HCN1: variants seen among roughly 807,000 people sequenced by gnomAD.
HCN1 encodes the protein potassium/sodium hyperpolarization-activated cyclic nucleotide-gated channel 1.
In HCN1, 13 loss-of-function variants were observed where a neutral mutation model predicts 78.9. The observed-to-expected ratio is 0.16, with a 90% CI of 0.11 to 0.26. The LOEUF is 0.26. HCN1 is among the 10% of genes least tolerant of loss of function. The probability of loss-of-function intolerance (pLI) is 1.00; values close to 1 mark genes in which losing one functional copy is unlikely to be tolerated. For missense variants in HCN1, 810 were observed against 1,154.3 expected (o/e 0.70, Z 4.32); for synonymous variants, 552 against 455.5 (o/e 1.21, Z -2.70).
chr5:45,342,599 A>G (rs1746610170), intron 5 of HCN1, among the ~76,000 whole-genome samples: 1 of 152,166 alleles, frequency 6.6e-6, no homozygotes. Context: ...AAGCAAAAAT[A>G]GTTATACATT....
At chr5:45,265,897 G>C (rs1361346330) in intron 7 of HCN1, among the ~76,000 whole-genome samples, 2 of 152,158 alleles carry the variant, frequency 1.3e-5, no homozygotes, top group Non-Finnish European at 1.5e-5. Flanking sequence ...GAGCTTCAGA[G>C]GCTATAGGAG....
intron 1 of HCN1, among the ~76,000 whole-genome samples, chr5:45,665,782 T>C (rs1192278444): frequency 2.0e-5 from 3 of 152,106 alleles, no homozygotes; most frequent in Non-Finnish European, 1.5e-5. Context: ...CTATAGAATA[T>C]GTTTATGAGA....
intron 2 of HCN1, among the ~76,000 whole-genome samples, chr5:45,499,233 G>T (rs933797396): frequency 6.6e-6 from 1 of 152,188 alleles, no homozygotes; most frequent in African/African-American, 2.4e-5. Flanking sequence ...TAATCAGCAG[G>T]ACTCCATGCG....
At chr5:45,489,008 A>C (rs1741827851) in intron 2 of HCN1, among the ~76,000 whole-genome samples, 1 of 152,192 alleles carries the variant, frequency 6.6e-6, no homozygotes, top group Non-Finnish European at 1.5e-5. Flanking sequence ...TTGTCCCGAA[A>C]TATGAAAGTC....
chr5:45,524,246 C>A (rs186008214), intron 2 of HCN1, among the ~76,000 whole-genome samples: 1 of 152,130 alleles, frequency 6.6e-6, no homozygotes, highest in Admixed American at 6.6e-5. Flanking sequence ...CAGTACTATG[C>A]TGTTTTGGTT....
intron 1 of HCN1, among the ~76,000 whole-genome samples, chr5:45,650,512 C>A (rs999891168): frequency 6.6e-6 from 1 of 152,000 alleles, no homozygotes; most frequent in African/African-American, 2.4e-5. Flanking sequence ...AGAGAGGACA[C>A]TCACTGGAAA....
At chr5:45,517,538 A>C (rs562418314) in intron 2 of HCN1, among the ~76,000 whole-genome samples, 8 of 150,952 alleles carry the variant, frequency 5.3e-5, no homozygotes, top group Admixed American at 6.6e-5. Context: ...AAAAAAAAAA[A>C]AAAAAACATG....
intron 2 of HCN1, among the ~76,000 whole-genome samples, chr5:45,594,082 G>A (rs74525033): frequency 0.016 from 2,434 of 152,230 alleles, 65 homozygotes; most frequent in African/African-American, 0.056. Context: ...ACCCTTAAAA[G>A]CCTTTCAGTG....
At chr5:45,657,672 C>A (rs997989808) in intron 1 of HCN1, among the ~76,000 whole-genome samples, 3 of 152,194 alleles carry the variant, frequency 2.0e-5, no homozygotes, top group Admixed American at 6.5e-5. Context: ...ACCTAGGAAT[C>A]CAACTTACAA....
intron 3 of HCN1, among the ~76,000 whole-genome samples, chr5:45,432,108 C>A (rs1253054744): frequency 1.3e-5 from 2 of 152,090 alleles, no homozygotes; most frequent in Non-Finnish European, 2.9e-5. Flanking sequence ...TCTCTGATTT[C>A]TTTGAGCAGT....
chr5:45,563,769 T>C (rs960651218), intron 2 of HCN1, among the ~76,000 whole-genome samples: 8 of 152,190 alleles, frequency 5.3e-5, no homozygotes, highest in African/African-American at 1.4e-4. Flanking sequence ...ACAACACTTT[T>C]TATAAGGTGC....
At chr5:45,358,793 T>C (rs1031824566) in intron 4 of HCN1, among the ~76,000 whole-genome samples, 3 of 152,094 alleles carry the variant, frequency 2.0e-5, no homozygotes, top group Non-Finnish European at 2.9e-5. Flanking sequence ...AAATAACAGA[T>C]GCAAGCAAGC....
At chr5:45,426,184 G>A (rs181098954) in intron 3 of HCN1, among the ~76,000 whole-genome samples, 3 of 152,198 alleles carry the variant, frequency 2.0e-5, no homozygotes, top group Admixed American at 6.5e-5. Flanking sequence ...TGATTCTTAC[G>A]TTGCAATATT....
chr5:45,334,879 A>G (rs1451807107), intron 5 of HCN1, among the ~76,000 whole-genome samples: 1 of 151,996 alleles, frequency 6.6e-6, no homozygotes, highest in African/African-American at 2.4e-5. Context: ...TTAACTTTAA[A>G]CACATTTTTA....
chr5:45,452,327 T>G (rs920699980), intron 3 of HCN1, among the ~76,000 whole-genome samples: 6 of 151,436 alleles, frequency 4.0e-5, no homozygotes, highest in Admixed American at 2.0e-4. Context: ...TAGTTTTTTT[T>G]TTTTGTTTTT....
intron 3 of HCN1, among the ~76,000 whole-genome samples, chr5:45,447,107 C>T (rs995551878): frequency 2.0e-5 from 3 of 152,152 alleles, no homozygotes; most frequent in African/African-American, 7.2e-5. Context: ...GATAAAGAGT[C>T]AAGACCCATC....
chr5:45,361,863 A>T (rs966662874), intron 4 of HCN1, among the ~76,000 whole-genome samples: 5 of 152,118 alleles, frequency 3.3e-5, no homozygotes, highest in Admixed American at 6.6e-5. Context: ...AGATTTAACT[A>T]AGCATGTAAT....
intron 3 of HCN1, among the ~76,000 whole-genome samples, chr5:45,407,750 T>C (rs1739953330): frequency 6.6e-6 from 1 of 151,992 alleles, no homozygotes; most frequent in African/African-American, 2.4e-5. Flanking sequence ...CCTCAGGTGA[T>C]CTACCTGCCT....
At chr5:45,542,886 T>C (rs573806808) in intron 2 of HCN1, among the ~76,000 whole-genome samples, 2 of 152,300 alleles carry the variant, frequency 1.3e-5, no homozygotes, top group African/African-American at 4.8e-5. Flanking sequence ...ATGGGACAGA[T>C]TGAAGCTGTT....
Sources: gnomAD v4.1 joint callset for allele counts (sites outside exome capture counted in the v4.1 genomes callset) on GRCh38, gnomAD v4.1.1 for gene constraint, MANE v1.5 for transcripts, NCBI Gene and HGNC (gene_info 2026-07-23, HGNC 2026-07-21) for gene names.